Variants in LDLRAD4 observed in about 807,000 individuals in gnomAD.
LDLRAD4 encodes low-density lipoprotein receptor class A domain-containing protein 4.
LDLRAD4 carries 5 observed loss-of-function variants against 17.0 expected under a neutral mutation model. That is an observed-to-expected ratio of 0.29 (90% CI 0.15 to 0.62). The LOEUF (loss-of-function observed/expected upper bound fraction) is 0.62, where lower values mean the gene tolerates loss of function less well. Among genes scored for constraint, LDLRAD4 ranks in the 20% least tolerant of loss-of-function variants. The pLI, the probability that LDLRAD4 is intolerant of heterozygous loss-of-function variation, is 0.84. For synonymous variants in LDLRAD4, 168 were observed against 171.8 expected (o/e 0.98, Z 0.17); for missense variants, 340 against 424.7 (o/e 0.80, Z 1.75).
intron 3 of LDLRAD4, chr18:13,616,295 G>T (rs750081552): frequency 6.6e-6 from 1 of 152,124 alleles, no homozygotes. Context: ...AGCTTGAAAG[G>T]GGGTCATGGA....
intron 2 of LDLRAD4, among the ~76,000 whole-genome samples, chr18:13,415,306 G>T (rs553670674): frequency 6.6e-6 from 1 of 152,160 alleles, no homozygotes; most frequent in Non-Finnish European, 1.5e-5. Flanking sequence ...TGCTCATTAC[G>T]GTGGGTAATA....
Position 13,399,814 on chromosome 18 carries a change from T to C in LDLRAD4, c.40+12052T>C, listed in dbSNP as rs139392768. Among the ~76,000 whole-genome samples, 4 of 152,386 alleles carry C rather than the reference T, an allele frequency of 2.6e-5. No homozygotes were observed. In the East Asian group the frequency reaches 7.7e-4, roughly 29 times the overall value. On this transcript the variant is annotated intron_variant, in intron 2 of 5. Transcript: ENST00000359446. ...AACAACAAAACAAGCCTCGGATTCT[T>C]GAAGATGCCTTGGTAAGTTGATCTT...
exon 6 of LDLRAD4, chr18:13,649,618 A>G (rs2043160798): frequency 6.5e-6 from 1 of 153,442 alleles, no homozygotes; most frequent in Admixed American, 6.5e-5. Context: ...TGCAGCCATG[A>G]CTGGATGCGC....
chr18:13,282,254 C>T (rs1043516639), intron 1 of LDLRAD4, among the ~76,000 whole-genome samples: 19 of 152,108 alleles, frequency 1.2e-4, no homozygotes, highest in African/African-American at 4.3e-4. Context: ...ATCTCACATC[C>T]CCACATTTCA....
chr18:13,235,713 C>T (rs190935630), intron 1 of LDLRAD4, among the ~76,000 whole-genome samples: 15 of 152,204 alleles, frequency 9.9e-5, no homozygotes, highest in Admixed American at 8.5e-4. Flanking sequence ...TTGGATGAGT[C>T]GACTTTATTT....
chr18:13,381,076 G>GT (rs759672017), intron 1 of LDLRAD4, among the ~76,000 whole-genome samples: 16,630 of 128,358 alleles, frequency 0.13, 1,507 homozygotes, highest in East Asian at 0.27. Flanking sequence ...TTTCTCTTTA[G>GT]TTTTTTTTTT....
At chr18:13,446,244 A>T (rs534374365) in intron 3 of LDLRAD4, among the ~76,000 whole-genome samples, 3 of 152,180 alleles carry the variant, frequency 2.0e-5, no homozygotes, top group African/African-American at 7.2e-5. Flanking sequence ...CACACAGCCA[A>T]GGCGTGCCGC....
chr18:13,455,952 C>A (rs2146465420), intron 3 of LDLRAD4, among the ~76,000 whole-genome samples: 2 of 152,206 alleles, frequency 1.3e-5, no homozygotes, highest in East Asian at 3.9e-4. Context: ...GCCCTGAATT[C>A]CATGTAGAAG....
At chr18:13,379,569 C>A (rs972879218) in intron 1 of LDLRAD4, among the ~76,000 whole-genome samples, 5 of 152,218 alleles carry the variant, frequency 3.3e-5, no homozygotes, top group Non-Finnish European at 7.4e-5. Flanking sequence ...ACTGCTGTCT[C>A]CCCAGCTCCT....
intron 1 of LDLRAD4, among the ~76,000 whole-genome samples, chr18:13,325,562 T>C (rs2187502): frequency 0.37 from 56,007 of 151,708 alleles, 11,121 homozygotes; most frequent in African/African-American, 0.52. Context: ...CTCTCCTTGC[T>C]TCCTGTGGAC....
chr18:13,235,298 A>G (rs1396055336), intron 1 of LDLRAD4, among the ~76,000 whole-genome samples: 4 of 152,204 alleles, frequency 2.6e-5, no homozygotes, highest in Admixed American at 6.5e-5. Context: ...TAAATTCATC[A>G]TATGTAGATG....
At chr18:13,266,652 G>A (rs992806289) in intron 1 of LDLRAD4, among the ~76,000 whole-genome samples, 3 of 152,278 alleles carry the variant, frequency 2.0e-5, no homozygotes, top group Non-Finnish European at 4.4e-5. Flanking sequence ...GGGCCTCCAC[G>A]CTCAGGCGCT....
chr18:13,423,676 T>G (rs976772036), intron 2 of LDLRAD4: 1 of 152,620 alleles, frequency 6.6e-6, no homozygotes, highest in Non-Finnish European at 1.5e-5. Flanking sequence ...AATCCTTGGC[T>G]GCTCCCCATG....
At chr18:13,439,112 C>T (rs1469764114) in intron 3 of LDLRAD4, among the ~76,000 whole-genome samples, 4 of 151,984 alleles carry the variant, frequency 2.6e-5, no homozygotes, top group Admixed American at 6.6e-5. Flanking sequence ...TTGGCCGGGC[C>T]GACCCTCCTC....
chr18:13,382,230 G>A (rs941380800), intron 1 of LDLRAD4, among the ~76,000 whole-genome samples: 6 of 152,208 alleles, frequency 3.9e-5, no homozygotes, highest in Admixed American at 6.5e-5. Flanking sequence ...TTTGGCCTCC[G>A]TGCCCCTGTG....
At chr18:13,252,951 C>G (rs561780776) in intron 1 of LDLRAD4, among the ~76,000 whole-genome samples, 2 of 152,300 alleles carry the variant, frequency 1.3e-5, no homozygotes, top group South Asian at 4.2e-4. Context: ...AGCTGTACCA[C>G]GAGGCTTCTG....
intron 2 of LDLRAD4, among the ~76,000 whole-genome samples, chr18:13,404,666 T>C (rs929242206): frequency 2.0e-5 from 3 of 151,676 alleles, no homozygotes; most frequent in Admixed American, 1.3e-4. Context: ...GGTGTAGTGG[T>C]GAGTGCCTGT....
chr18:13,327,758 C>G (rs2081611103), intron 1 of LDLRAD4, among the ~76,000 whole-genome samples: 1 of 152,126 alleles, frequency 6.6e-6, no homozygotes, highest in African/African-American at 2.4e-5. Flanking sequence ...GGCCCAGAGA[C>G]CCACAGAGCA....
intron 3 of LDLRAD4, among the ~76,000 whole-genome samples, chr18:13,616,927 C>T (rs763620830): frequency 6.6e-6 from 1 of 152,214 alleles, no homozygotes; most frequent in African/African-American, 2.4e-5. Flanking sequence ...CGTGAACCCC[C>T]AGGGCCGACG....
Sources: allele counts gnomAD v4.1 joint callset (sites outside exome capture counted in the v4.1 genomes callset), GRCh38; gene constraint gnomAD v4.1.1; transcripts MANE v1.5; gene names NCBI Gene and HGNC (gene_info 2026-07-23, HGNC 2026-07-21).